The following VTCN1 variants were observed in gnomAD, a reference collection of about 807,000 sequenced individuals.
VTCN1 encodes the protein V-set domain-containing T-cell activation inhibitor 1.
VTCN1 carries 26 observed loss-of-function variants against 26.5 expected under a neutral mutation model. The ratio of observed to expected loss-of-function variants is 0.98; its 90% CI spans 0.72 to 1.36. The LOEUF is 1.36. VTCN1 is among the 40% of genes most tolerant of loss of function. The pLI is 0.00. For missense variants in VTCN1, 298 were observed against 337.7 expected (o/e 0.88, Z 0.92); for synonymous variants, 116 against 130.7 (o/e 0.89, Z 0.77).
intron 1 of VTCN1, among the ~76,000 whole-genome samples, chr1:117,180,790 G>A (rs542566770): frequency 1.4e-4 from 22 of 152,178 alleles, no homozygotes; most frequent in Admixed American, 9.2e-4. Flanking sequence ...TGCTCTCCCC[G>A]CCTCTCTCCA....
chr1:117,165,209 T>C (rs1325604894), intron 2 of VTCN1, among the ~76,000 whole-genome samples: 6 of 152,228 alleles, frequency 3.9e-5, no homozygotes. Context: ...ACTTGCTGAC[T>C]GTTGTGTGTC....
intron 1 of VTCN1, among the ~76,000 whole-genome samples, chr1:117,205,144 T>TATATATA (rs1553214068): frequency 3.0e-5 from 4 of 134,750 alleles, no homozygotes; most frequent in African/African-American, 8.2e-5. Flanking sequence ...ATATATATTT[T>TATATATA]TATATATATA....
rs188371239 is a variant in VTCN1, at chr1:117,173,154, G to A, written c.33-2983C>T. The A allele has an allele frequency of 1.4e-3, 1,004 of 715,300 alleles. 2 individuals carry two copies. Among genetic ancestry groups the A allele is most frequent in the Middle Eastern group, 8.2e-3 (30 of 3,678 alleles). The allele number at this position is 715,300 out of a possible 1,614,324, so 44.3% of individuals were successfully genotyped here. A position where few individuals can be genotyped will look rare whatever the true frequency, so the allele number is the denominator to read the frequency against. ...AAACAACTCCGGAACAAACAACTCC[G>A]GACGCGCCACCTTTAAGAGCTGTAA... On this transcript the variant is annotated intron_variant, in intron 1 of 5. Transcript: ENST00000369458.
At chr1:117,172,645 C>A (rs745632875) in intron 1 of VTCN1, among the ~76,000 whole-genome samples, 3 of 152,154 alleles carry the variant, frequency 2.0e-5, no homozygotes, top group Non-Finnish European at 4.4e-5. Context: ...ATGTGTCCCC[C>A]CCCACATTCA....
chr1:117,183,162 C>A lies in VTCN1; in HGVS notation c.33-12991G>T, dbSNP rs771625655. ...ACTACTTTCTCCCATCTCCCGTCACCTCCACACTCCATCCATTCTAAACCA... is the reference window on the plus strand; with the variant it reads ...ACTACTTTCTCCCATCTCCCGTCACATCCACACTCCATCCATTCTAAACCA... On this transcript the variant is annotated intron_variant, in intron 1 of 5. Transcript: ENST00000369458. The surrounding 1 kb of genome is among the most constrained non-coding windows in gnomAD (Gnocchi z 4.1). Among the ~76,000 whole-genome samples the A allele has an allele frequency of 6.6e-6, 1 of 152,152 alleles. No individual in the cohort carries two copies. Among genetic ancestry groups the A allele is most frequent in the Non-Finnish European group, 1.5e-5 (1 of 68,022 alleles).
chr1:117,182,549 A>T (rs12096489), intron 1 of VTCN1, among the ~76,000 whole-genome samples: 4,587 of 152,116 alleles, frequency 0.03, 248 homozygotes, highest in African/African-American at 0.1. Context: ...TGCCTATGTC[A>T]AGGGGCATTC....
intron 1 of VTCN1, among the ~76,000 whole-genome samples, chr1:117,196,089 C>T (rs1401571606): frequency 1.3e-5 from 2 of 152,040 alleles, no homozygotes; most frequent in Non-Finnish European, 2.9e-5. Context: ...GAAGTTGAGG[C>T]TGCAGTGAGC....
intron 1 of VTCN1, among the ~76,000 whole-genome samples, chr1:117,178,069 A>T (rs1217769424): frequency 6.6e-6 from 1 of 151,024 alleles, no homozygotes; most frequent in Non-Finnish European, 1.5e-5. Flanking sequence ...TCCCCCAAGT[A>T]GCTGGGACTA....
At chr1:117,171,027 C>G (rs1278280339) in intron 1 of VTCN1, among the ~76,000 whole-genome samples, 1 of 151,628 alleles carries the variant, frequency 6.6e-6, no homozygotes, top group Non-Finnish European at 1.5e-5. Flanking sequence ...TGACAGGCCC[C>G]AGTGTGTGAT....
chr1:117,163,771 C>A (rs1298238632), intron 2 of VTCN1, among the ~76,000 whole-genome samples: 1 of 152,054 alleles, frequency 6.6e-6, no homozygotes, highest in Non-Finnish European at 1.5e-5. Context: ...AGTGCCAACC[C>A]AATAAGAAGA....
Position 117,169,855 on chromosome 1 carries a change from A to T in VTCN1, c.97+252T>A, listed in dbSNP as rs1364172233. On this transcript the variant is annotated intron_variant, in intron 2 of 5. Transcript: ENST00000369458. The surrounding 1 kb of genome is among the most constrained non-coding windows in gnomAD (Gnocchi z 4.0). ...GGTTGCAGTAAGCTGAGATCATGCCACTGCACTCCAACCTGGGCAACAGAG... is the reference window on the plus strand; with the variant it reads ...GGTTGCAGTAAGCTGAGATCATGCCTCTGCACTCCAACCTGGGCAACAGAG... Among the ~76,000 whole-genome samples the T allele has an allele frequency of 6.6e-6, 1 of 152,172 alleles. No homozygotes were observed. Among genetic ancestry groups the T allele is most frequent in the African/African-American group, 2.4e-5 (1 of 41,432 alleles).
At chr1:117,149,745 T>C (rs569937052) in intron 4 of VTCN1, among the ~76,000 whole-genome samples, 5 of 152,224 alleles carry the variant, frequency 3.3e-5, no homozygotes, top group Non-Finnish European at 4.4e-5. Flanking sequence ...ACAATAGATA[T>C]TTGTTAAATG....
intron 1 of VTCN1, among the ~76,000 whole-genome samples, chr1:117,188,044 AT>A (rs1013910187): frequency 1.1e-4 from 16 of 151,464 alleles, no homozygotes; most frequent in African/African-American, 2.7e-4. Flanking sequence ...TTCTTCGGGG[AT>A]TTTTTTTTCT....
chr1:117,201,382 C>T (rs974358641), intron 1 of VTCN1, among the ~76,000 whole-genome samples: 5 of 152,110 alleles, frequency 3.3e-5, no homozygotes, highest in African/African-American at 7.2e-5. Context: ...ACAGAGCTGC[C>T]GACCAGAAAG....
At chr1:117,163,365 G>A (rs1652466016) in intron 2 of VTCN1, among the ~76,000 whole-genome samples, 1 of 152,050 alleles carries the variant, frequency 6.6e-6, no homozygotes, top group Non-Finnish European at 1.5e-5. Context: ...TCCCTTAGAG[G>A]GTTCCTGAAA....
At chr1:117,200,896 C>G (rs1264991148) in intron 1 of VTCN1, among the ~76,000 whole-genome samples, 1 of 152,046 alleles carries the variant, frequency 6.6e-6, no homozygotes, top group Non-Finnish European at 1.5e-5. Context: ...GGACTATAGG[C>G]GTAATCCCAG....
intron 1 of VTCN1, among the ~76,000 whole-genome samples, chr1:117,207,302 A>T (rs1649114154): frequency 6.6e-6 from 1 of 152,146 alleles, no homozygotes; most frequent in Admixed American, 6.6e-5. Context: ...CATTGTCACT[A>T]GTGATTTCAG....
At chr1:117,210,568 C>G (rs1649300067) in intron 1 of VTCN1, among the ~76,000 whole-genome samples, 1 of 152,224 alleles carries the variant, frequency 6.6e-6, no homozygotes, top group South Asian at 2.1e-4. Flanking sequence ...AGCTGCCCAG[C>G]AAGCGCCAGC....
intron 1 of VTCN1, among the ~76,000 whole-genome samples, chr1:117,191,352 T>C (rs1413681709): frequency 6.6e-6 from 1 of 152,186 alleles, no homozygotes; most frequent in Non-Finnish European, 1.5e-5. Context: ...GGGGAAAACA[T>C]ACTATTTAAA....
Sources: allele counts gnomAD v4.1 joint callset (sites outside exome capture counted in the v4.1 genomes callset), GRCh38; gene constraint gnomAD v4.1.1; non-coding constraint Gnocchi (gnomAD v3.1); transcripts MANE v1.5; gene names NCBI Gene and HGNC (gene_info 2026-07-23, HGNC 2026-07-21).